The following PRKAR1A variants were observed in gnomAD, a reference collection of about 807,000 sequenced individuals.
The protein encoded by PRKAR1A is protein kinase cAMP-dependent type I regulatory subunit alpha, also known as cAMP-dependent protein kinase type I-alpha regulatory subunit.
Under a neutral mutation model 52.0 loss-of-function variants are expected in PRKAR1A, and 3 were observed. The observed-to-expected ratio is 0.06, with a 90% CI of 0.03 to 0.15. The LOEUF is 0.15. Among genes scored for constraint, PRKAR1A ranks in the 10% least tolerant of loss-of-function variants. The probability of loss-of-function intolerance (pLI) is 1.00; values close to 1 mark genes in which losing one functional copy is unlikely to be tolerated. For missense variants in PRKAR1A, 240 were observed against 477.4 expected (o/e 0.50, Z 4.63); for synonymous variants, 188 against 168.4 (o/e 1.12, Z -0.90).
intron 7 of PRKAR1A, 105 bp from the exon 8 acceptor site, chr17:68,527,735 T>C: frequency 1.0e-6 from 1 of 1,000,224 alleles, no homozygotes; most frequent in Non-Finnish European, 1.5e-6. Context: ...GCTTTGACTT[T>C]CTGGTTTTAA....
chr17:68,535,604 G>T (rs2086075785), downstream of PRKAR1A: 2 of 453,916 alleles, frequency 4.4e-6, no homozygotes, highest in Admixed American at 2.4e-5. Flanking sequence ...CTGCAGTAGG[G>T]CCACAACAGT....
At chr17:68,541,302 T>G (rs778705741) in intron 11 of PRKAR1A, 1 of 342,474 alleles carries the variant, frequency 2.9e-6, no homozygotes, top group Non-Finnish European at 5.7e-6. Flanking sequence ...TCTTGGACCC[T>G]GCGCCACTCA....
chr17:68,437,036 GTATA>G, the PRKAR1A span, among the ~76,000 whole-genome samples: 55 of 118,748 alleles, frequency 4.6e-4, no homozygotes, highest in Non-Finnish European at 6.0e-4. Flanking sequence ...GTGTGTGTGT[GTATA>G]TATTGCTCAT....
chr17:68,543,035 T>G (rs1306520529), intron 11 of PRKAR1A, among the ~76,000 whole-genome samples: 1 of 152,124 alleles, frequency 6.6e-6, no homozygotes, highest in Non-Finnish European at 1.5e-5. Flanking sequence ...CCTTATTCCG[T>G]CAAGCCTCCT....
At position 68,530,672 on chromosome 17, in the gene PRKAR1A, G is replaced by A. The variant is rs750343329; in HGVS notation, c.*223G>A. ...ATAGAAAGAGTTCTATGGAGACTTT[G>A]CTGTTACTGCTTCTCTTTGTGCAGT... is the stretch of plus-strand genomic sequence containing the variant. On this transcript the variant is annotated 3_prime_UTR_variant, in exon 11 of 11. Coordinates refer to ENST00000589228, the MANE Select transcript of PRKAR1A (RefSeq NM_002734.5). The A allele has an allele frequency of 1.4e-6, 2 of 1,433,712 alleles. No individual in the cohort carries two copies. The highest frequency in any genetic ancestry group is 2.6e-4 in the Middle Eastern group (1 of 3,896). The allele number at this position is 1,433,712 out of a possible 1,614,324, so 88.8% of individuals were successfully genotyped here.
the PRKAR1A span, among the ~76,000 whole-genome samples, chr17:68,486,348 C>A: frequency 6.6e-6 from 1 of 152,024 alleles, no homozygotes; most frequent in South Asian, 2.1e-4. Flanking sequence ...CTTCCTCCTT[C>A]TTCTCATCCC....
chr17:68,455,026 C>T, the PRKAR1A span, among the ~76,000 whole-genome samples: 1,383 of 152,260 alleles, frequency 9.1e-3, 7 homozygotes, highest in Non-Finnish European at 0.014. Flanking sequence ...CTCATGGAAA[C>T]AGAGCTTGGG....
At chr17:68,547,940 A>G (rs1176375631) in intron 11 of PRKAR1A, among the ~76,000 whole-genome samples, 1 of 152,152 alleles carries the variant, frequency 6.6e-6, no homozygotes, top group Non-Finnish European at 1.5e-5. Context: ...CTCGCTTCCC[A>G]TTTAAAGTGA....
intron 8 of PRKAR1A, 127 bp from the exon 9 acceptor site, chr17:68,528,743 T>C: frequency 7.8e-7 from 1 of 1,286,366 alleles, no homozygotes; most frequent in Non-Finnish European, 1.1e-6. Flanking sequence ...GGTACCACTT[T>C]TAATCTGAGA....
Position 68,525,748 on chromosome 17 carries a change from C to T in PRKAR1A, c.550-6C>T, listed in dbSNP as rs1555814031. ...ATAAACTTTTTTGATGTCACTTGCA[C>T]TTTAGGTCTATGTTAACAATGAATG... is the stretch of plus-strand genomic sequence containing the variant. On this transcript the variant is annotated splice_polypyrimidine_tract_variant and splice_region_variant and intron_variant, in intron 6 of 10. Transcript: ENST00000589228. The T allele has an allele frequency of 2.5e-6, 4 of 1,613,450 alleles. No individual in the cohort carries two copies. Among genetic ancestry groups the T allele is most frequent in the East Asian group, 2.2e-5 (1 of 44,852 alleles).
the PRKAR1A span, among the ~76,000 whole-genome samples, chr17:68,431,742 C>A: frequency 6.6e-6 from 1 of 152,266 alleles, no homozygotes. Flanking sequence ...GAGCCGTAAC[C>A]GCCGGGGACA....
intron 11 of PRKAR1A, chr17:68,540,604 G>A: frequency 1.7e-6 from 1 of 602,444 alleles, no homozygotes; most frequent in South Asian, 1.5e-5. Context: ...CGCCCACTCA[G>A]GCCCGTGGCA....
At chr17:68,450,932 T>C in the PRKAR1A span, 1,120,189 of 1,590,842 alleles carry the variant, frequency 0.7, 396,204 homozygotes, top group South Asian at 0.72. Flanking sequence ...TTACATGGAT[T>C]GATCACTTCC....
At chr17:68,492,945 T>C in the PRKAR1A span, among the ~76,000 whole-genome samples, 17,380 of 152,230 alleles carry the variant, frequency 0.11, 1,010 homozygotes, top group Middle Eastern at 0.15. Context: ...CATGTCTTTG[T>C]TACTGTGCAT....
the PRKAR1A span, among the ~76,000 whole-genome samples, chr17:68,445,155 G>A: frequency 6.6e-6 from 1 of 152,044 alleles, no homozygotes; most frequent in Non-Finnish European, 1.5e-5. Context: ...CCCGACCTCA[G>A]GTGATCTGCC....
chr17:68,441,660 C>T, the PRKAR1A span, among the ~76,000 whole-genome samples: 4 of 152,144 alleles, frequency 2.6e-5, no homozygotes, highest in Non-Finnish European at 4.4e-5. Flanking sequence ...GAGAGGGCTG[C>T]GGAGTGAGTC....
the PRKAR1A span, among the ~76,000 whole-genome samples, chr17:68,415,437 AT>A: frequency 6.6e-6 from 1 of 152,266 alleles, no homozygotes; most frequent in South Asian, 2.1e-4. Context: ...TTTGTGGCCT[AT>A]TGTATGGTCT....
chr17:68,530,779 T>C lies in PRKAR1A; in HGVS notation c.*330T>C. ...CACCTATTGAATTACCATAGAGTAA[T>C]GATGTAACAGTGCAAGATTTTTTTT... On this transcript the variant is annotated 3_prime_UTR_variant, in exon 11 of 11. Coordinates refer to ENST00000589228, the MANE Select transcript of PRKAR1A (RefSeq NM_002734.5). The C allele has an allele frequency of 1.6e-6, 2 of 1,289,098 alleles. No homozygotes were observed. Among genetic ancestry groups the C allele is most frequent in the Non-Finnish European group, 2.0e-6 (2 of 1,008,012 alleles). 79.9% of individuals were successfully genotyped at this position (1,289,098 alleles called of 1,614,324 possible).
chr17:68,424,717 A>C, the PRKAR1A span, among the ~76,000 whole-genome samples: 2 of 152,316 alleles, frequency 1.3e-5, no homozygotes, highest in South Asian at 2.1e-4. Context: ...CTCTACTAAA[A>C]ATACAAAATA....
Sources: allele counts gnomAD v4.1 joint callset (sites outside exome capture counted in the v4.1 genomes callset), GRCh38; gene constraint gnomAD v4.1.1; transcripts MANE v1.5; gene names NCBI Gene and HGNC (gene_info 2026-07-23, HGNC 2026-07-21).